Variants in EPHA6 observed in about 807,000 individuals in gnomAD.
EPHA6 encodes the protein ephrin type-A receptor 6.
EPHA6 carries 50 observed loss-of-function variants against 112.0 expected under a neutral mutation model. The observed-to-expected ratio is 0.45, with a 90% confidence interval of 0.36 to 0.56. EPHA6 has a LOEUF of 0.56. Among genes scored for constraint, EPHA6 ranks in the 20% least tolerant of loss-of-function variants. The pLI is 0.00. For missense variants in EPHA6, 1,280 were observed against 1,417.4 expected (o/e 0.90, Z 1.56); for synonymous variants, 529 against 490.7 (o/e 1.08, Z -1.03).
At chr3:96,934,284 C>T (rs1250065862) in intron 2 of EPHA6, among the ~76,000 whole-genome samples, 1 of 151,592 alleles carries the variant, frequency 6.6e-6, no homozygotes, top group Non-Finnish European at 1.5e-5. Context: ...TTTTTCCTTG[C>T]AGATCTAATC....
intron 6 of EPHA6, among the ~76,000 whole-genome samples, chr3:97,421,501 A>C (rs906375183): frequency 6.6e-6 from 1 of 152,132 alleles, no homozygotes; most frequent in African/African-American, 2.4e-5. Flanking sequence ...AAAACACTCA[A>C]ATACAGCCCA....
At chr3:97,100,076 T>G (rs2108257568) in intron 3 of EPHA6, among the ~76,000 whole-genome samples, 1 of 152,010 alleles carries the variant, frequency 6.6e-6, no homozygotes, top group East Asian at 1.9e-4. Context: ...GGTACTATTG[T>G]ATTGGCCAAA....
chr3:96,838,587 CAGAAT>C (rs1376464891), intron 1 of EPHA6, among the ~76,000 whole-genome samples: 3 of 151,906 alleles, frequency 2.0e-5, no homozygotes, highest in African/African-American at 7.3e-5. Flanking sequence ...TAGTGGTACC[CAGAAT>C]AATTATAATT....
intron 3 of EPHA6, among the ~76,000 whole-genome samples, chr3:97,190,917 G>C (rs976338741): frequency 1.3e-5 from 2 of 152,032 alleles, no homozygotes; most frequent in Admixed American, 6.6e-5. Flanking sequence ...ATTGCAAAAG[G>C]TGTAAGAACA....
At chr3:97,644,716 C>A (rs1331097711) in intron 14 of EPHA6, among the ~76,000 whole-genome samples, 1 of 150,142 alleles carries the variant, frequency 6.7e-6, no homozygotes, top group Non-Finnish European at 1.5e-5. Context: ...TTGACACATA[C>A]ACTCTCCCAA....
At chr3:97,610,656 T>C in intron 12 of EPHA6, 137 bp from the exon 13 acceptor site, 2 of 702,738 alleles carry the variant, frequency 2.8e-6, no homozygotes, top group South Asian at 3.4e-5. Flanking sequence ...TGAATACGTT[T>C]ATAGAAGCAG....
intron 2 of EPHA6, among the ~76,000 whole-genome samples, chr3:96,972,161 T>G (rs2042338643): frequency 6.6e-6 from 1 of 152,088 alleles, no homozygotes; most frequent in South Asian, 2.1e-4. Context: ...AATGGTCACT[T>G]GTTATATTCT....
intron 3 of EPHA6, among the ~76,000 whole-genome samples, chr3:97,218,520 TA>T (rs2078098502): frequency 1.3e-5 from 2 of 152,068 alleles, no homozygotes; most frequent in Non-Finnish European, 2.9e-5. Flanking sequence ...GAGCCCCTTA[TA>T]AAACTATCAG....
chr3:96,974,891 G>A (rs2042460883), intron 2 of EPHA6, among the ~76,000 whole-genome samples: 1 of 152,064 alleles, frequency 6.6e-6, no homozygotes, highest in Non-Finnish European at 1.5e-5. Flanking sequence ...GTGGTCATAG[G>A]AGGAAATGAG....
intron 14 of EPHA6, among the ~76,000 whole-genome samples, chr3:97,676,343 G>A (rs2107670772): frequency 6.6e-6 from 1 of 152,212 alleles, no homozygotes; most frequent in South Asian, 2.1e-4. Context: ...ATTTCAAAGA[G>A]GAATGAGTTA....
At chr3:96,918,699 G>A (rs924707432) in intron 2 of EPHA6, among the ~76,000 whole-genome samples, 1 of 151,972 alleles carries the variant, frequency 6.6e-6, no homozygotes, top group African/African-American at 2.4e-5. Flanking sequence ...CTTTAAGTAT[G>A]TACAAAACAT....
At chr3:96,833,730 C>T (rs987756075) in intron 1 of EPHA6, among the ~76,000 whole-genome samples, 2 of 151,952 alleles carry the variant, frequency 1.3e-5, no homozygotes, top group African/African-American at 2.4e-5. Flanking sequence ...AGAAAGGAGC[C>T]TAAGGTACTG....
chr3:96,947,360 A>C (rs2107708560), intron 2 of EPHA6, among the ~76,000 whole-genome samples: 1 of 152,250 alleles, frequency 6.6e-6, no homozygotes, highest in African/African-American at 2.4e-5. Flanking sequence ...TTTTTGTATA[A>C]GGCATAAGGA....
chr3:96,850,807 T>C (rs538620464), intron 1 of EPHA6, among the ~76,000 whole-genome samples: 34 of 152,140 alleles, frequency 2.2e-4, no homozygotes, highest in Admixed American at 3.9e-4. Flanking sequence ...GGAAAATTAA[T>C]GTTACTATCA....
At chr3:97,273,166 A>G (rs983456323) in intron 5 of EPHA6, among the ~76,000 whole-genome samples, 14 of 152,210 alleles carry the variant, frequency 9.2e-5, no homozygotes, top group African/African-American at 3.4e-4. Flanking sequence ...GGAGAAAAAC[A>G]GGTATTAAAG....
chr3:97,063,844 AT>A (rs1250077492), intron 3 of EPHA6, among the ~76,000 whole-genome samples: 1 of 152,212 alleles, frequency 6.6e-6, no homozygotes, highest in African/African-American at 2.4e-5. Context: ...CTGGTAAGTA[AT>A]AAAAATAATT....
At position 97,234,074 on chromosome 3, in the gene EPHA6, T is replaced by A. The variant is rs2078611581; in HGVS notation, c.1270+7655T>A. Among the ~76,000 whole-genome samples, 3 of 152,184 alleles carry A rather than the reference T, an allele frequency of 2.0e-5. 1 individual carries two copies. In the South Asian group the frequency reaches 6.2e-4, roughly 31 times the overall value. On this transcript the variant is annotated intron_variant, in intron 4 of 17. Transcript: ENST00000389672. Reference sequence around the variant, plus strand: ...ACAGATTTCTTTGGGTTTGTAGAGATGGTGTCTTTTTATTTTATAATCCTA... The same window carrying A: ...ACAGATTTCTTTGGGTTTGTAGAGAAGGTGTCTTTTTATTTTATAATCCTA...
intron 3 of EPHA6, among the ~76,000 whole-genome samples, chr3:97,098,393 A>G (rs2047307752): frequency 6.6e-6 from 1 of 151,950 alleles, no homozygotes; most frequent in African/African-American, 2.4e-5. Context: ...TTTGATATGT[A>G]GAATTACTGA....
chr3:97,150,452 G>T (rs75686432), intron 3 of EPHA6, among the ~76,000 whole-genome samples: 2 of 152,012 alleles, frequency 1.3e-5, no homozygotes, highest in African/African-American at 4.8e-5. Context: ...CAACGTTTAG[G>T]CTACCTTACC....
Sources: allele counts gnomAD v4.1 joint callset (sites outside exome capture counted in the v4.1 genomes callset), GRCh38; gene constraint gnomAD v4.1.1; transcripts MANE v1.5; gene names NCBI Gene and HGNC (gene_info 2026-07-23, HGNC 2026-07-21).